The following RBFOX1 variants were observed in gnomAD, a reference collection of about 807,000 sequenced individuals.
The protein encoded by RBFOX1 is RNA binding protein fox-1 homolog 1.
RBFOX1 carries 8 observed loss-of-function variants against 57.7 expected under a neutral mutation model. The observed-to-expected ratio is 0.14, with a 90% CI of 0.08 to 0.25. The LOEUF is 0.25. Ranked by LOEUF, RBFOX1 falls within the 10% of genes least tolerant of loss-of-function variation. The pLI, the probability that RBFOX1 is intolerant of heterozygous loss-of-function variation, is 1.00. For synonymous variants in RBFOX1, 326 were observed against 222.4 expected, an observed-to-expected ratio of 1.47 and a Z score of -4.15; for missense variants, 611 against 548.5, an observed-to-expected ratio of 1.11 and a Z score of -1.14.
Position 5,472,552 on chromosome 16 carries a change from G to C in RBFOX1, c.258+5298G>C, listed in dbSNP as rs1008404178. ...GCTATCCCAGGGGTCAGGAGGGTCC[G>C]TGTGCATGCTGGAATGAAATCTTCT... On this transcript the variant is annotated intron_variant, in intron 2 of 2. Transcript: ENST00000585867. 3.9e-5 allele frequency among the ~76,000 whole-genome samples: 6 copies of C among 152,172 alleles called. No individual in the cohort carries two copies. In the East Asian group the frequency reaches 1.2e-3, roughly 29 times the overall value.
chr16:6,545,735 T>A (rs1438517694), intron 2 of RBFOX1, among the ~76,000 whole-genome samples: 2 of 152,212 alleles, frequency 1.3e-5, no homozygotes, highest in Non-Finnish European at 2.9e-5. Flanking sequence ...GAAGGGCTTA[T>A]AATGTGCATT....
intron 4 of RBFOX1, among the ~76,000 whole-genome samples, chr16:7,292,950 G>A (rs2095821980): frequency 6.6e-6 from 1 of 152,070 alleles, no homozygotes; most frequent in Admixed American, 6.6e-5. Context: ...AGGATGAAGG[G>A]GTGAGGATAC....
At chr16:7,291,093 A>G (rs1047714425) in intron 4 of RBFOX1, among the ~76,000 whole-genome samples, 7 of 152,222 alleles carry the variant, frequency 4.6e-5, no homozygotes, top group Non-Finnish European at 8.8e-5. Context: ...TTTAACATGC[A>G]CTGGGCATAA....
chr16:7,044,547 G>C (rs1044029742), intron 3 of RBFOX1, among the ~76,000 whole-genome samples: 2 of 152,182 alleles, frequency 1.3e-5, no homozygotes, highest in Non-Finnish European at 2.9e-5. Flanking sequence ...TATTGCTTCA[G>C]TTTCTAACCT....
intron 3 of RBFOX1, among the ~76,000 whole-genome samples, chr16:5,816,566 T>C (rs7199386): frequency 0.71 from 108,165 of 152,032 alleles, 38,729 homozygotes; most frequent in African/African-American, 0.78. Context: ...CTTTGGGAGG[T>C]TGAGCCCAGG....
At chr16:6,882,831 T>A in intron 3 of RBFOX1, among the ~76,000 whole-genome samples, 1 of 152,080 alleles carries the variant, frequency 6.6e-6, no homozygotes, top group Non-Finnish European at 1.5e-5. Context: ...TTGCCCCTTT[T>A]CAGAGGCTTT....
chr16:5,720,065 T>G (rs2051870579), intron 3 of RBFOX1, among the ~76,000 whole-genome samples: 1 of 152,066 alleles, frequency 6.6e-6, no homozygotes, highest in South Asian at 2.1e-4. Context: ...TTTTTTCACA[T>G]CCTCACCAAC....
chr16:5,616,532 C>T (rs2048028937), intron 3 of RBFOX1, among the ~76,000 whole-genome samples: 1 of 151,792 alleles, frequency 6.6e-6, no homozygotes, highest in African/African-American at 2.4e-5. Context: ...CCGCTGTCTG[C>T]CCTCTTCCCT....
intron 4 of RBFOX1, among the ~76,000 whole-genome samples, chr16:7,427,467 C>G (rs897804203): frequency 1.3e-5 from 2 of 152,042 alleles, no homozygotes; most frequent in African/African-American, 4.8e-5. Flanking sequence ...CCTCCGGTGA[C>G]TTGCTTAACA....
At chr16:6,825,621 C>A (rs1302266186) in intron 3 of RBFOX1, among the ~76,000 whole-genome samples, 1 of 152,074 alleles carries the variant, frequency 6.6e-6, no homozygotes, top group Non-Finnish European at 1.5e-5. Flanking sequence ...ACATCCTCTC[C>A]CTGGGAGTGG....
At chr16:7,316,297 G>A (rs1455743317) in intron 4 of RBFOX1, among the ~76,000 whole-genome samples, 1 of 152,146 alleles carries the variant, frequency 6.6e-6, no homozygotes, top group Non-Finnish European at 1.5e-5. Context: ...TGGTACTATT[G>A]GAGAAGAGAA....
intron 4 of RBFOX1, among the ~76,000 whole-genome samples, chr16:7,064,937 G>T (rs1048740992): frequency 6.6e-6 from 1 of 152,140 alleles, no homozygotes; most frequent in Non-Finnish European, 1.5e-5. Flanking sequence ...AAAAATAGTG[G>T]ACTCCCTTGG....
intron 2 of RBFOX1, among the ~76,000 whole-genome samples, chr16:5,565,227 A>G (rs2046022097): frequency 6.6e-6 from 1 of 152,092 alleles, no homozygotes; most frequent in Non-Finnish European, 1.5e-5. Context: ...AGCTATCTCC[A>G]TGATATTCCA....
chr16:5,917,189 C>G (rs1324241346), intron 4 of RBFOX1, among the ~76,000 whole-genome samples: 1 of 152,130 alleles, frequency 6.6e-6, no homozygotes, highest in Non-Finnish European at 1.5e-5. Flanking sequence ...GTTTTTCACT[C>G]CCAGCGCCCG....
intron 4 of RBFOX1, among the ~76,000 whole-genome samples, chr16:7,486,417 G>A (rs1470837952): frequency 1.3e-5 from 2 of 152,066 alleles, no homozygotes; most frequent in African/African-American, 2.4e-5. Context: ...GATTATAGGT[G>A]TGAGCCATGG....
chr16:6,871,480 C>T (rs576715309), intron 3 of RBFOX1, among the ~76,000 whole-genome samples: 1 of 152,254 alleles, frequency 6.6e-6, no homozygotes, highest in East Asian at 1.9e-4. Flanking sequence ...GCCACCGTGC[C>T]CGGCCTCAAA....
chr16:7,377,713 AG>A (rs2097709989), intron 4 of RBFOX1, among the ~76,000 whole-genome samples: 1 of 152,236 alleles, frequency 6.6e-6, no homozygotes, highest in Non-Finnish European at 1.5e-5. Flanking sequence ...CTGGGATCTA[AG>A]AACAATTTCA....
At chr16:7,642,843 T>C (rs1304167977) in intron 11 of RBFOX1, among the ~76,000 whole-genome samples, 17 of 152,194 alleles carry the variant, frequency 1.1e-4, no homozygotes, top group Admixed American at 1.0e-3. Flanking sequence ...GAAAGCACCT[T>C]TGCAAATGCC....
At chr16:7,456,897 CTT>C (rs34199539) in intron 4 of RBFOX1, among the ~76,000 whole-genome samples, 2 of 148,438 alleles carry the variant, frequency 1.3e-5, no homozygotes, top group Non-Finnish European at 1.5e-5. Flanking sequence ...TACTTTTTTT[CTT>C]TTTTTTTTTG....
Sources: gnomAD v4.1 joint callset for allele counts (sites outside exome capture counted in the v4.1 genomes callset) on GRCh38, gnomAD v4.1.1 for gene constraint, MANE v1.5 for transcripts, NCBI Gene and HGNC (gene_info 2026-07-23, HGNC 2026-07-21) for gene names.